HDAC9: variants seen among roughly 807,000 people sequenced by gnomAD.
HDAC9 encodes histone deacetylase 9.
HDAC9 carries 41 observed loss-of-function variants against 139.4 expected under a neutral mutation model. The ratio of observed to expected loss-of-function variants is 0.29; its 90% confidence interval spans 0.23 to 0.38. The LOEUF is 0.38. Among genes scored for constraint, HDAC9 ranks in the 10% least tolerant of loss-of-function variants. HDAC9 has a pLI of 1.00. For missense variants in HDAC9, 1,147 were observed against 1,297.0 expected, an observed-to-expected ratio of 0.88 and a Z score of 1.78; for synonymous variants, 517 against 476.2, an observed-to-expected ratio of 1.09 and a Z score of -1.12.
At chr7:18,237,868 A>C (rs927162247) in intron 2 of HDAC9, among the ~76,000 whole-genome samples, 2 of 152,206 alleles carry the variant, frequency 1.3e-5, no homozygotes, top group Admixed American at 6.5e-5. Context: ...TGGTTGAAGC[A>C]CTGGAGTTGG....
At chr7:18,985,070 CTATT>C (rs1057203422) in intron 25 of HDAC9, among the ~76,000 whole-genome samples, 36 of 151,614 alleles carry the variant, frequency 2.4e-4, no homozygotes, top group African/African-American at 8.0e-4. Context: ...AATTCTTTTT[CTATT>C]TATTTATTAT....
chr7:18,274,375 G>A (rs1162372422), intron 2 of HDAC9, among the ~76,000 whole-genome samples: 1 of 152,146 alleles, frequency 6.6e-6, no homozygotes, highest in Non-Finnish European at 1.5e-5. Flanking sequence ...TGGTGAGAGA[G>A]AATGCAAGAG....
At chr7:18,484,731 C>T (rs1014976512) in intron 1 of HDAC9, among the ~76,000 whole-genome samples, 18 of 151,916 alleles carry the variant, frequency 1.2e-4, no homozygotes, top group African/African-American at 3.9e-4. Flanking sequence ...TGATGCATGC[C>T]TATGTCTCAG....
At chr7:18,127,044 A>G (rs986841421) in intron 1 of HDAC9, among the ~76,000 whole-genome samples, 8 of 152,136 alleles carry the variant, frequency 5.3e-5, no homozygotes, top group Non-Finnish European at 1.0e-4. Flanking sequence ...TTTTGCAGCA[A>G]TGCTGTTAGG....
At chr7:18,947,399 G>C (rs1483779289) in intron 23 of HDAC9, among the ~76,000 whole-genome samples, 1 of 151,832 alleles carries the variant, frequency 6.6e-6, no homozygotes, top group East Asian at 1.9e-4. Context: ...CCAGCACTGG[G>C]AAAGAAAAGG....
intron 22 of HDAC9, among the ~76,000 whole-genome samples, chr7:18,923,738 G>A (rs530590488): frequency 1.3e-5 from 2 of 152,124 alleles, no homozygotes; most frequent in South Asian, 2.1e-4. Flanking sequence ...CATGGCTTAA[G>A]ATGAAAGACC....
At position 18,554,259 on chromosome 7, in the gene HDAC9, G is replaced by T. The variant is rs150329253; in HGVS notation, c.23-31022G>T. 4.5e-3 allele frequency among the ~76,000 whole-genome samples: 656 copies of T among 146,858 alleles called. 4 individuals carry two copies. The highest frequency in any genetic ancestry group is 0.015 in the African/African-American group (614 of 39,996). ...AAGGAATGATGCATACCATAAAAGC[G>T]AAGAAAAGACAGGAAAAAAAAAGGC... On this transcript the variant is annotated intron_variant, in intron 2 of 25. Transcript: ENST00000686413.
intron 1 of HDAC9, among the ~76,000 whole-genome samples, chr7:18,108,207 C>A (rs1178769472): frequency 6.6e-6 from 1 of 152,042 alleles, no homozygotes; most frequent in Non-Finnish European, 1.5e-5. Context: ...CAGTGCAGGT[C>A]CAGAGAAAAC....
chr7:18,271,450 A>G (rs1369828031), intron 2 of HDAC9, among the ~76,000 whole-genome samples: 2 of 152,164 alleles, frequency 1.3e-5, no homozygotes, highest in Non-Finnish European at 2.9e-5. Flanking sequence ...GTTGGACTGA[A>G]CAGCCCAAGT....
At chr7:18,501,160 A>G (rs898473855) in intron 2 of HDAC9, among the ~76,000 whole-genome samples, 1 of 152,168 alleles carries the variant, frequency 6.6e-6, no homozygotes, top group African/African-American at 2.4e-5. Flanking sequence ...ATTCAGAAGT[A>G]GAGAAAACAT....
intron 17 of HDAC9, among the ~76,000 whole-genome samples, chr7:18,793,873 C>T (rs1792549288): frequency 1.3e-5 from 2 of 151,916 alleles, no homozygotes; most frequent in Non-Finnish European, 2.9e-5. Flanking sequence ...AGGTAAATAC[C>T]AGACGGGAAG....
At chr7:18,426,717 A>G (rs1021779220) in intron 1 of HDAC9, among the ~76,000 whole-genome samples, 2 of 152,180 alleles carry the variant, frequency 1.3e-5, no homozygotes, top group Non-Finnish European at 2.9e-5. Context: ...TACTTTATGA[A>G]TCTGCAAATG....
chr7:18,342,120 C>G (rs925773781), intron 1 of HDAC9, among the ~76,000 whole-genome samples: 7 of 151,788 alleles, frequency 4.6e-5, no homozygotes, highest in Non-Finnish European at 8.8e-5. Flanking sequence ...CACACATGTA[C>G]AGGTCAGTAC....
At chr7:18,259,565 A>G (rs1386207854) in intron 2 of HDAC9, among the ~76,000 whole-genome samples, 2 of 151,976 alleles carry the variant, frequency 1.3e-5, no homozygotes, top group Non-Finnish European at 2.9e-5. Context: ...GAATCTCACC[A>G]TGTTACCCAG....
At chr7:18,461,237 C>A (rs1324890098) in intron 1 of HDAC9, among the ~76,000 whole-genome samples, 5 of 152,178 alleles carry the variant, frequency 3.3e-5, no homozygotes, top group African/African-American at 9.6e-5. Flanking sequence ...GCAAACCTAA[C>A]CCTTTTTGAC....
intron 1 of HDAC9, among the ~76,000 whole-genome samples, chr7:18,367,386 C>G (rs567817999): frequency 7.0e-4 from 107 of 152,120 alleles, no homozygotes; most frequent in African/African-American, 2.5e-3. Context: ...TATAACACAT[C>G]TGATATTGAA....
intron 13 of HDAC9, 25 bp from the exon 14 acceptor site, chr7:18,748,980 G>C: frequency 6.2e-7 from 1 of 1,609,168 alleles, no homozygotes; most frequent in South Asian, 1.1e-5. Flanking sequence ...ACTCAATCTT[G>C]TCCTGTATTT....
In HDAC9 at chr7:18,373,573, C is replaced by T. The variant is rs73682167; in HGVS notation, c.-42+83058C>T. On this transcript the variant is annotated intron_variant, in intron 1 of 3. Coordinates refer to the HDAC9 transcript ENST00000413509. ...TTTCTTTTTGTTTGAATATTGAAAA[C>T]ATTTTTCTACTTTAATGGGATTTCA... Among the ~76,000 whole-genome samples the T allele has an allele frequency of 5.9e-3, 901 of 152,242 alleles. 9 individuals are homozygous for T. Among genetic ancestry groups the T allele is most frequent in the African/African-American group, 0.021 (860 of 41,544 alleles).
intron 12 of HDAC9, among the ~76,000 whole-genome samples, chr7:18,724,364 A>G (rs968148197): frequency 1.1e-4 from 16 of 152,172 alleles, no homozygotes; most frequent in African/African-American, 3.9e-4. Context: ...ATGTTACTAT[A>G]CTGAATACTG....
Sources: gnomAD v4.1 joint callset for allele counts (sites outside exome capture counted in the v4.1 genomes callset) on GRCh38, gnomAD v4.1.1 for gene constraint, MANE v1.5 for transcripts, NCBI Gene and HGNC (gene_info 2026-07-23, HGNC 2026-07-21) for gene names.